The following VGLL4 variants were observed in gnomAD, a reference collection of about 807,000 sequenced individuals.
The protein encoded by VGLL4 is transcription cofactor vestigial-like protein 4.
Under a neutral mutation model 21.0 loss-of-function variants are expected in VGLL4, and 7 were observed. The observed-to-expected ratio is 0.33, with a 90% CI of 0.19 to 0.63. The LOEUF (loss-of-function observed/expected upper bound fraction) is 0.63, where lower values mean the gene tolerates loss of function less well. VGLL4 is among the 20% of genes least tolerant of loss of function. VGLL4 has a pLI of 0.78. For missense variants in VGLL4, 394 were observed against 425.7 expected (o/e 0.93, Z 0.66); for synonymous variants, 222 against 173.2 (o/e 1.28, Z -2.21).
At chr3:11,630,619 C>T (rs909848285) in intron 1 of VGLL4, among the ~76,000 whole-genome samples, 1 of 151,958 alleles carries the variant, frequency 6.6e-6, no homozygotes, top group Non-Finnish European at 1.5e-5. Context: ...ACACTCCAGC[C>T]TGGACAACAA....
At chr3:11,674,988 T>A (rs900882848) in intron 2 of VGLL4, among the ~76,000 whole-genome samples, 2 of 152,234 alleles carry the variant, frequency 1.3e-5, no homozygotes, top group Non-Finnish European at 2.9e-5. Flanking sequence ...CATTCATTAC[T>A]AAATGTTCAA....
intron 2 of VGLL4, among the ~76,000 whole-genome samples, chr3:11,685,694 A>G (rs1464171383): frequency 6.6e-6 from 1 of 152,230 alleles, no homozygotes; most frequent in Non-Finnish European, 1.5e-5. Flanking sequence ...TCATCTGATG[A>G]GAGTCTAGTA....
rs1308664059 is a variant in VGLL4 at position 11,559,409 on chromosome 3, C to T, written c.542G>A (p.Cys181Tyr). 2 of 1,562,908 alleles carry T rather than the reference C, an allele frequency of 1.3e-6. No individual in the cohort carries two copies. The highest frequency in any genetic ancestry group is 1.7e-6 in the Non-Finnish European group (2 of 1,154,746). The change falls in exon 4 of 5, where the codon TGC becomes TAC. Residue 181 changes from cysteine to tyrosine, a missense_variant. Coordinates refer to ENST00000430365, the MANE Select transcript of VGLL4 (RefSeq NM_001128219.3). Reference protein sequence around the residue: ...ITCASAGARNCNLSHCPIAHS... With the variant: ...ITCASAGARNYNLSHCPIAHS... ...CGCGATGGGGCAGTGCGAGAGGTTG[C>T]AGTTGCGGGCGCCAGCCGAGGCACA...
At chr3:11,634,855 A>T (rs2075557678) in intron 1 of VGLL4, among the ~76,000 whole-genome samples, 1 of 152,062 alleles carries the variant, frequency 6.6e-6, no homozygotes, top group African/African-American at 2.4e-5. Flanking sequence ...TATTTTTAGT[A>T]GAGGCGGCGT....
At chr3:11,677,390 C>T (rs945953848) in intron 2 of VGLL4, among the ~76,000 whole-genome samples, 4 of 152,088 alleles carry the variant, frequency 2.6e-5, no homozygotes, top group East Asian at 1.9e-4. Context: ...CCACTTCAGC[C>T]TCCTGAGTAG....
rs1442506417 is a variant in VGLL4 at position 11,558,033 on chromosome 3, A to G, written c.*523T>C. Reference sequence around the variant, plus strand: ...AGTTTGCCCTCAGAGTTCTGGCATAACACATAAAGTTGTCAGGCAACTTTA... The same window carrying G: ...AGTTTGCCCTCAGAGTTCTGGCATAGCACATAAAGTTGTCAGGCAACTTTA... On this transcript the variant is annotated 3_prime_UTR_variant, in exon 5 of 5. Transcript: ENST00000430365. The G allele has an allele frequency of 1.9e-5, 3 of 157,208 alleles. No individual in the cohort carries two copies. The highest frequency in any genetic ancestry group is 7.2e-5 in the African/African-American group (3 of 41,528). 9.7% of individuals were successfully genotyped at this position (157,208 alleles called of 1,614,324 possible).
chr3:11,710,827 C>T (rs187110721), intron 1 of VGLL4, among the ~76,000 whole-genome samples: 1 of 152,296 alleles, frequency 6.6e-6, no homozygotes, highest in East Asian at 1.9e-4. Context: ...TGGCTGGGCA[C>T]CGTGGCTCAT....
chr3:11,630,797 CTAAG>C (rs1251100452), intron 1 of VGLL4, among the ~76,000 whole-genome samples: 1 of 152,134 alleles, frequency 6.6e-6, no homozygotes, highest in Non-Finnish European at 1.5e-5. Context: ...GGCAATTCTA[CTAAG>C]TATTTACCCA....
intron 2 of VGLL4, among the ~76,000 whole-genome samples, chr3:11,583,524 T>C (rs1202088966): frequency 6.6e-6 from 1 of 152,178 alleles, no homozygotes; most frequent in Non-Finnish European, 1.5e-5. Context: ...CTTTTCTGAT[T>C]TCAGAGCTTA....
rs546814389 is a variant in VGLL4, at chr3:11,563,300, C to G, written c.495+1497G>C. Among the ~76,000 whole-genome samples, 26 of 152,346 alleles carry G rather than the reference C, an allele frequency of 1.7e-4. No homozygotes were observed. In the South Asian group the frequency reaches 5.4e-3, roughly 32 times the overall value. ...AACAGCAGTGGCAATGGCCAGAGAG[C>G]CAGGTTCTGCCTGCACGGTTCAGGC... is the stretch of plus-strand genomic sequence containing the variant. On this transcript the variant is annotated intron_variant, in intron 3 of 4. Transcript: ENST00000430365.
intron 1 of VGLL4, among the ~76,000 whole-genome samples, chr3:11,711,896 G>A (rs1254606759): frequency 6.6e-6 from 1 of 152,118 alleles, no homozygotes; most frequent in Non-Finnish European, 1.5e-5. Context: ...AAAACTGAAT[G>A]AGAATCAGAC....
At chr3:11,661,123 A>T (rs1575505403) in intron 2 of VGLL4, among the ~76,000 whole-genome samples, 1 of 152,290 alleles carries the variant, frequency 6.6e-6, no homozygotes, top group Non-Finnish European at 1.5e-5. Context: ...TAGAGAGAAG[A>T]AATGCCCTCA....
intron 2 of VGLL4, among the ~76,000 whole-genome samples, chr3:11,677,862 G>A (rs1168436066): frequency 2.9e-5 from 4 of 139,280 alleles, no homozygotes; most frequent in Non-Finnish European, 4.5e-5. Context: ...CTGAGATCGT[G>A]CCACTGTACT....
chr3:11,641,084 T>C (rs1575484942), intron 1 of VGLL4, among the ~76,000 whole-genome samples: 1 of 127,636 alleles, frequency 7.8e-6, no homozygotes, highest in Admixed American at 9.7e-5. Flanking sequence ...GCCATTGCAC[T>C]CCAGCCTGGG....
rs187139675 is a variant in VGLL4, at chr3:11,609,529, A to T, written c.83-7507T>A. On this transcript the variant is annotated intron_variant, in intron 1 of 4. Transcript: ENST00000430365. ...AGTTGTAGCCAGCTGAAACCTGGACAAATAGAATCTGGTTCACCAAATGCA... is the reference window on the plus strand; with the variant it reads ...AGTTGTAGCCAGCTGAAACCTGGACTAATAGAATCTGGTTCACCAAATGCA... Among the ~76,000 whole-genome samples the T allele has an allele frequency of 1.1e-3, 160 of 152,374 alleles. 1 individual carries two copies. The highest frequency in any genetic ancestry group is 0.01 in the Middle Eastern group (3 of 294).
intron 1 of VGLL4, among the ~76,000 whole-genome samples, chr3:11,632,221 G>A (rs2075493692): frequency 2.6e-5 from 4 of 152,094 alleles, no homozygotes; most frequent in Non-Finnish European, 4.4e-5. Context: ...GCTGAGGCGG[G>A]AGAATGGCTT....
intron 2 of VGLL4, among the ~76,000 whole-genome samples, chr3:11,599,826 A>C (rs2074747602): frequency 6.6e-6 from 1 of 151,296 alleles, no homozygotes; most frequent in South Asian, 2.1e-4. Flanking sequence ...CTAGCCACAA[A>C]ATTATTTTCT....
chr3:11,568,431 G>A lies in VGLL4; in HGVS notation c.273-3412C>T, dbSNP rs550325278. 1.1e-4 allele frequency among the ~76,000 whole-genome samples: 17 copies of A among 152,298 alleles called. No homozygotes were observed. The highest frequency in any genetic ancestry group is 9.7e-4 in the East Asian group (5 of 5,180). On this transcript the variant is annotated intron_variant, in intron 2 of 4. Transcript: ENST00000430365. This position sits in a 1 kb window ranked among gnomAD's most constrained non-coding sequence, Gnocchi z 5.9. The stretch of plus-strand genomic sequence containing the variant: ...CTATGCTCCCACAGCCCCACTGTGC[G>A]CCCACCCTACGCAGGGCAGCAGGGA...
At chr3:11,574,397 C>T (rs1009122329) in intron 2 of VGLL4, among the ~76,000 whole-genome samples, 1 of 152,110 alleles carries the variant, frequency 6.6e-6, no homozygotes, top group Non-Finnish European at 1.5e-5. Context: ...GCACGAGCAC[C>T]GCACAATGAC....
Sources: gnomAD v4.1 joint callset for allele counts (sites outside exome capture counted in the v4.1 genomes callset) on GRCh38, gnomAD v4.1.1 for gene constraint, Gnocchi (gnomAD v3.1) non-coding constraint, MANE v1.5 for transcripts, NCBI Gene and HGNC (gene_info 2026-07-23, HGNC 2026-07-21) for gene names.